NKAIN3: variants seen among roughly 807,000 people sequenced by gnomAD.
NKAIN3 encodes sodium/potassium transporting ATPase interacting 3.
NKAIN3 carries 25 observed loss-of-function variants against 30.2 expected under a neutral mutation model. That is an observed-to-expected ratio of 0.83 (90% CI 0.60 to 1.16). The LOEUF (loss-of-function observed/expected upper bound fraction) is 1.16. NKAIN3 is among the 50% of genes most tolerant of loss of function. The pLI is 0.00. For missense variants in NKAIN3, 225 were observed against 254.1 expected, an observed-to-expected ratio of 0.89 and a Z score of 0.78; for synonymous variants, 91 against 89.6, an observed-to-expected ratio of 1.02 and a Z score of -0.09.
At chr8:62,306,475 G>C (rs1814242530) in intron 1 of NKAIN3, among the ~76,000 whole-genome samples, 1 of 149,748 alleles carries the variant, frequency 6.7e-6, no homozygotes, top group Non-Finnish European at 1.5e-5. Context: ...AGCCCTACCT[G>C]ACTGACTGTA....
chr8:62,796,592 G>A (rs1414416005), intron 4 of NKAIN3, among the ~76,000 whole-genome samples: 1 of 151,754 alleles, frequency 6.6e-6, no homozygotes, highest in Admixed American at 6.6e-5. Flanking sequence ...CCAGAGATCT[G>A]GATTTACAGA....
At chr8:62,589,306 A>G (rs1810579410) in intron 2 of NKAIN3, among the ~76,000 whole-genome samples, 1 of 151,782 alleles carries the variant, frequency 6.6e-6, no homozygotes, top group South Asian at 2.1e-4. Flanking sequence ...GTCTTCTTTC[A>G]GTCCTAGGTT....
chr8:62,762,587 C>T (rs541708624), intron 4 of NKAIN3, among the ~76,000 whole-genome samples: 17 of 152,122 alleles, frequency 1.1e-4, no homozygotes, highest in Non-Finnish European at 2.4e-4. Flanking sequence ...TCTGGAACTA[C>T]TCAAGAGAAT....
At chr8:62,963,738 A>G (rs1303899344) in intron 6 of NKAIN3, among the ~76,000 whole-genome samples, 1 of 152,186 alleles carries the variant, frequency 6.6e-6, no homozygotes, top group Admixed American at 6.5e-5. Flanking sequence ...TAGAGAATAG[A>G]TGAGCAGAGG....
chr8:62,347,785 A>G (rs1816048662), intron 1 of NKAIN3, among the ~76,000 whole-genome samples: 1 of 152,130 alleles, frequency 6.6e-6, no homozygotes, highest in Admixed American at 6.6e-5. Context: ...TCTGGAGTAG[A>G]TAAGTATGAG....
intron 1 of NKAIN3, among the ~76,000 whole-genome samples, chr8:62,403,442 A>T (rs1179851913): frequency 1.3e-5 from 2 of 152,206 alleles, no homozygotes; most frequent in Non-Finnish European, 2.9e-5. Context: ...GAGGCTTAAA[A>T]GGAAAAAATG....
intron 1 of NKAIN3, among the ~76,000 whole-genome samples, chr8:62,259,729 C>CA (rs1295520524): frequency 6.6e-6 from 1 of 151,794 alleles, no homozygotes; most frequent in Admixed American, 6.6e-5. Context: ...TAGTTATAAA[C>CA]AAAAAAAATC....
At chr8:62,249,383 G>A (rs1264528580) in intron 1 of NKAIN3, among the ~76,000 whole-genome samples, 1 of 152,226 alleles carries the variant, frequency 6.6e-6, no homozygotes. Flanking sequence ...CCGCGCTCCC[G>A]CCGGGCGTCG....
In NKAIN3 at chr8:62,555,009, TATACAC is replaced by T. The variant is rs1363977965; in HGVS notation, c.55-24528_55-24523del. ...CTATGCTGTCACAAATGGCAGAATC[TATACAC>T]ACACACACACACACACACACACACA... On this transcript the variant is annotated intron_variant, in intron 1 of 6. Transcript: ENST00000623646. 2.7e-4 allele frequency among the ~76,000 whole-genome samples: 28 copies of T among 104,744 alleles called. No homozygotes were observed. The East Asian group carries it at 8.0e-3, about 30-fold the overall frequency. The allele number at this position is 104,744 out of a possible 152,430, so 68.7% of individuals were successfully genotyped here.
chr8:62,255,961 G>C (rs966872520), intron 1 of NKAIN3, among the ~76,000 whole-genome samples: 11 of 152,168 alleles, frequency 7.2e-5, no homozygotes, highest in African/African-American at 2.2e-4. Context: ...CGAGGTTTGG[G>C]AACGTTTACT....
rs1823934570 is a variant in NKAIN3, at chr8:62,976,077, T to C, written c.*10670T>C. 6.6e-6 allele frequency among the ~76,000 whole-genome samples: 1 copy of C among 152,184 alleles called. No individual in the cohort carries two copies. The highest frequency in any genetic ancestry group is 1.5e-5 in the Non-Finnish European group (1 of 68,028). ...TTGTTATGGTTTTCATTCTTTTGCATTTGCTGATGAGTGTTTTACTTCCAG... is the reference window on the plus strand; with the variant it reads ...TTGTTATGGTTTTCATTCTTTTGCACTTGCTGATGAGTGTTTTACTTCCAG... On this transcript the variant is annotated 3_prime_UTR_variant, in exon 7 of 7. Coordinates refer to ENST00000623646, the MANE Select transcript of NKAIN3 (RefSeq NM_001304533.3).
In NKAIN3 at chr8:62,880,525, G is replaced by A. The variant is rs182669066; in HGVS notation, c.472-37928G>A. Among the ~76,000 whole-genome samples, 3 of 152,314 alleles carry A rather than the reference G, an allele frequency of 2.0e-5. No individual in the cohort carries two copies. In the East Asian group the frequency reaches 5.8e-4, roughly 29 times the overall value. On this transcript the variant is annotated intron_variant, in intron 4 of 6. Transcript: ENST00000623646. ...TTTACAACAAAGTGTGGGATGAGAA[G>A]AGATAGAGGACCACAGTTAAATTGA... is the stretch of plus-strand genomic sequence containing the variant.
At chr8:62,249,664 G>C (rs897186015) in intron 1 of NKAIN3, among the ~76,000 whole-genome samples, 1 of 152,088 alleles carries the variant, frequency 6.6e-6, no homozygotes, top group African/African-American at 2.4e-5. Context: ...AAGGAGTCTG[G>C]GACCTCCAGG....
intron 1 of NKAIN3, among the ~76,000 whole-genome samples, chr8:62,443,716 T>C (rs929491592): frequency 2.0e-4 from 30 of 152,096 alleles, no homozygotes; most frequent in African/African-American, 7.2e-4. Flanking sequence ...GCCACCACAA[T>C]TGTCAATTAG....
intron 3 of NKAIN3, among the ~76,000 whole-genome samples, chr8:62,651,367 G>A (rs1812613955): frequency 6.6e-6 from 1 of 152,118 alleles, no homozygotes; most frequent in Admixed American, 6.5e-5. Context: ...AAAGATTCAA[G>A]TCTCATAATG....
intron 5 of NKAIN3, among the ~76,000 whole-genome samples, chr8:62,928,241 T>C (rs1822508458): frequency 6.6e-6 from 1 of 152,238 alleles, no homozygotes; most frequent in East Asian, 1.9e-4. Context: ...AAGTTAATTA[T>C]AAATTATTTC....
At position 62,943,735 on chromosome 8, in the gene NKAIN3, T is replaced by G. The variant is rs920055553; in HGVS notation, c.533-10167T>G. On this transcript the variant is annotated intron_variant, in intron 5 of 6. Transcript: ENST00000623646. ...AAGAAAATTTTTTAAAATGTATATA[T>G]TTATATATTTATATTTATATGATAT... 8.8e-5 allele frequency among the ~76,000 whole-genome samples: 13 copies of G among 148,084 alleles called. No homozygotes were observed. In the East Asian group the frequency reaches 2.1e-3, roughly 24 times the overall value.
intron 1 of NKAIN3, among the ~76,000 whole-genome samples, chr8:62,343,297 G>A (rs1244511022): frequency 6.6e-6 from 1 of 151,948 alleles, no homozygotes; most frequent in African/African-American, 2.4e-5. Context: ...AGGATTAATC[G>A]AGTTAATATT....
chr8:62,538,936 A>G (rs1808753034), intron 1 of NKAIN3, among the ~76,000 whole-genome samples: 1 of 152,112 alleles, frequency 6.6e-6, no homozygotes, highest in South Asian at 2.1e-4. Context: ...ACTTTGTATC[A>G]TTTTACATAT....
Sources: gnomAD v4.1 joint callset for allele counts (sites outside exome capture counted in the v4.1 genomes callset) on GRCh38, gnomAD v4.1.1 for gene constraint, MANE v1.5 for transcripts, NCBI Gene and HGNC (gene_info 2026-07-23, HGNC 2026-07-21) for gene names.